HYKK: variants seen among roughly 807,000 people sequenced by gnomAD.
The protein encoded by HYKK is 5-hydroxy-L-lysine kinase.
Under a neutral mutation model 29.7 loss-of-function variants are expected in HYKK, and 19 were observed. The observed-to-expected ratio is 0.64, with a 90% confidence interval of 0.45 to 0.94. The LOEUF (loss-of-function observed/expected upper bound fraction) is 0.94. Ranked by LOEUF, HYKK falls within the 40% of genes least tolerant of loss-of-function variation. The pLI is 0.00. For missense variants in HYKK, 390 were observed against 443.4 expected (o/e 0.88, Z 1.08); for synonymous variants, 152 against 158.1 (o/e 0.96, Z 0.29).
intron 3 of HYKK, among the ~76,000 whole-genome samples, chr15:78,519,783 A>AAAACAG (rs998286967): frequency 2.6e-5 from 4 of 152,174 alleles, no homozygotes; most frequent in African/African-American, 7.2e-5. Context: ...AACAAAAACA[A>AAAACAG]AAACCTTTGA....
intron 1 of HYKK, 121 bp downstream of exon 1, chr15:78,507,792 C>T (rs749872545): frequency 5.2e-5 from 8 of 152,428 alleles, no homozygotes; most frequent in Admixed American, 1.3e-4. Flanking sequence ...GCCTCAGGCT[C>T]CTCCAGCCCG....
At position 78,535,291 on chromosome 15, in the gene HYKK, T is replaced by TTTC. The variant is rs67048349; in HGVS notation, c.*1623_*1624insCTT. The stretch of plus-strand genomic sequence containing the variant: ...TTCTTTTTCTTTTCTTTTCTTTTCT[T>TTTC]TTTTTTTTTTTTTGGTGGTGGGGCG... On this transcript the variant is annotated 3_prime_UTR_variant, in exon 5 of 5. Coordinates refer to ENST00000388988, the MANE Select transcript of HYKK (RefSeq NM_001013619.4). The TTTC allele has an allele frequency of 7.1e-3, 443 of 62,334 alleles. 1 individual carries two copies. Among genetic ancestry groups the TTTC allele is most frequent in the Non-Finnish European group, 0.012 (292 of 25,148 alleles). The allele number at this position is 62,334 out of a possible 1,614,324, so 3.9% of individuals were successfully genotyped here.
chr15:78,529,577 A>G (rs757226528), intron 4 of HYKK, among the ~76,000 whole-genome samples: 23 of 152,200 alleles, frequency 1.5e-4, no homozygotes, highest in Non-Finnish European at 3.4e-4. Context: ...AATTTTTCTC[A>G]ATCTGATTTG....
intron 3 of HYKK, among the ~76,000 whole-genome samples, chr15:78,526,844 G>A (rs2052259264): frequency 6.6e-6 from 1 of 152,210 alleles, no homozygotes; most frequent in Non-Finnish European, 1.5e-5. Flanking sequence ...TAAAGTAAAT[G>A]GGGCAAGTCA....
At chr15:78,514,288 G>A (rs563524608) in intron 2 of HYKK, among the ~76,000 whole-genome samples, 7 of 152,150 alleles carry the variant, frequency 4.6e-5, no homozygotes, top group South Asian at 4.2e-4. Context: ...CCCTAAGGCC[G>A]CCAGTCCTCA....
At chr15:78,528,906 G>T in intron 4 of HYKK, 8 of 944,242 alleles carry the variant, frequency 8.5e-6, no homozygotes, top group Non-Finnish European at 1.0e-5. Context: ...ACAGTGTAAG[G>T]TGTAGCGTAA....
Position 78,533,381 on chromosome 15 carries a change from A to G in HYKK, c.833A>G (p.Lys278Arg), listed in dbSNP as rs199977249. ...ITIMYMMIESKSPIQVGGHVL... is the reference protein window; with the variant it reads ...ITIMYMMIESRSPIQVGGHVL... ...ATCATGTACATGATGATTGAGAGCAAGAGTCCTATACAAGTAGGAGGCCAT... is the reference window on the plus strand; with the variant it reads ...ATCATGTACATGATGATTGAGAGCAGGAGTCCTATACAAGTAGGAGGCCAT... Residue 278 changes from lysine to arginine, a missense_variant, in exon 5 of 5, where the codon AAG becomes AGG. Physicochemically the swap from Lys to Arg is conservative, Grantham distance 26. Coordinates refer to ENST00000388988, the MANE Select transcript of HYKK (RefSeq NM_001013619.4). 3.3e-5 allele frequency: 53 copies of G among 1,614,120 alleles called. No homozygotes were observed. The highest frequency in any genetic ancestry group is 2.6e-5 in the Non-Finnish European group (31 of 1,180,048).
At chr15:78,527,774 T>C in intron 4 of HYKK, 1 of 1,296,162 alleles carries the variant, frequency 7.7e-7, no homozygotes, top group Non-Finnish European at 9.8e-7. Context: ...CTACCTCTCT[T>C]CTTCCCATTA....
chr15:78,513,451 C>T (rs2052096565), intron 2 of HYKK, 26 bp downstream of exon 2: 4 of 1,514,262 alleles, frequency 2.6e-6, no homozygotes, highest in Non-Finnish European at 1.8e-6. Context: ...TTCGCCGATC[C>T]ATTACCTATC....
chr15:78,529,441 A>G (rs2052289661), intron 4 of HYKK, among the ~76,000 whole-genome samples: 2 of 152,224 alleles, frequency 1.3e-5, no homozygotes, highest in Non-Finnish European at 1.5e-5. Context: ...GTCATAGGAC[A>G]TGTCTATATT....
chr15:78,511,564 CA>C (rs1278964152), intron 1 of HYKK, among the ~76,000 whole-genome samples: 3 of 151,734 alleles, frequency 2.0e-5, no homozygotes, highest in African/African-American at 7.3e-5. Flanking sequence ...CCTGTCTCTG[CA>C]AAAAATACAA....
chr15:78,528,351 GA>G, intron 4 of HYKK: 2 of 867,388 alleles, frequency 2.3e-6, no homozygotes, highest in Non-Finnish European at 2.8e-6. Context: ...CCTGTCCATG[GA>G]AAAATTGTCT....
intron 3 of HYKK, among the ~76,000 whole-genome samples, chr15:78,517,326 G>A (rs1159360379): frequency 1.3e-5 from 2 of 152,034 alleles, no homozygotes; most frequent in Non-Finnish European, 2.9e-5. Context: ...TGTAATCCCA[G>A]CACTTTGGGA....
intron 4 of HYKK, chr15:78,527,794 A>T: frequency 8.4e-7 from 1 of 1,190,772 alleles, no homozygotes; most frequent in Non-Finnish European, 1.1e-6. Context: ...AAATTTGCAC[A>T]TTACATATGT....
At chr15:78,514,908 C>CTCTCTCTCTCTCTATATATATA (rs766004199) in intron 2 of HYKK, 60 bp from the exon 3 acceptor site, 60 of 385,488 alleles carry the variant, frequency 1.6e-4, no homozygotes, top group East Asian at 4.0e-4. Flanking sequence ...CTCTCTCTCT[C>CTCTCTCTCTCTCTATATATATA]TATATATATA....
intron 3 of HYKK, among the ~76,000 whole-genome samples, chr15:78,518,212 G>C (rs2052156137): frequency 6.6e-6 from 1 of 152,110 alleles, no homozygotes; most frequent in African/African-American, 2.4e-5. Flanking sequence ...TTTTGAGACA[G>C]GGTCTCACTC....
chr15:78,522,972 G>T (rs2052213527), intron 3 of HYKK, among the ~76,000 whole-genome samples: 1 of 152,170 alleles, frequency 6.6e-6, no homozygotes, highest in Non-Finnish European at 1.5e-5. Context: ...TCCTATTCCA[G>T]ATGGGCCCAG....
intron 1 of HYKK, among the ~76,000 whole-genome samples, chr15:78,512,507 T>C (rs1428434345): frequency 6.6e-6 from 1 of 151,176 alleles, no homozygotes; most frequent in African/African-American, 2.4e-5. Flanking sequence ...GTTCAAGTGA[T>C]TCTCCTGCCT....
At chr15:78,517,935 AT>A (rs1823900375) in intron 3 of HYKK, among the ~76,000 whole-genome samples, 1 of 152,144 alleles carries the variant, frequency 6.6e-6, no homozygotes, top group Non-Finnish European at 1.5e-5. Context: ...GTTTCCTCAC[AT>A]TTACACATGG....
Sources: gnomAD v4.1 joint callset for allele counts (sites outside exome capture counted in the v4.1 genomes callset) on GRCh38, gnomAD v4.1.1 for gene constraint, MANE v1.5 for transcripts, NCBI Gene and HGNC (gene_info 2026-07-23, HGNC 2026-07-21) for gene names.